The following PBX3 variants were observed in gnomAD, a reference collection of about 807,000 sequenced individuals.
PBX3 encodes pre-B-cell leukemia transcription factor 3.
Under a neutral mutation model 48.5 loss-of-function variants are expected in PBX3, and 14 were observed. That is an observed-to-expected ratio of 0.29 (90% CI 0.19 to 0.45). The LOEUF is 0.45. Ranked by LOEUF, PBX3 falls within the 20% of genes least tolerant of loss-of-function variation. The probability of loss-of-function intolerance (pLI) is 1.00; values close to 1 mark genes in which losing one functional copy is unlikely to be tolerated. For synonymous variants in PBX3, 210 were observed against 200.3 expected, an observed-to-expected ratio of 1.05 and a Z score of -0.41; for missense variants, 386 against 546.7, an observed-to-expected ratio of 0.71 and a Z score of 2.93.
At chr9:125,748,105 C>A in intron 1 of PBX3, 2 of 361,134 alleles carry the variant, frequency 5.5e-6, no homozygotes, top group Non-Finnish European at 7.7e-6. Flanking sequence ...CCTGGCGGGT[C>A]CGGGTGCGGA....
At chr9:125,864,288 AATT>A (rs1259176838) in intron 2 of PBX3, among the ~76,000 whole-genome samples, 2 of 152,084 alleles carry the variant, frequency 1.3e-5, no homozygotes, top group Non-Finnish European at 2.9e-5. Flanking sequence ...TTTGGGAGTC[AATT>A]ATTAGAGTGT....
intron 2 of PBX3, among the ~76,000 whole-genome samples, chr9:125,787,085 G>A (rs140987075): frequency 7.6e-4 from 116 of 151,844 alleles, no homozygotes; most frequent in African/African-American, 2.5e-3. Flanking sequence ...TGTCACCCAG[G>A]CTGGAGTGCA....
chr9:125,786,798 C>T (rs1283741988), intron 2 of PBX3, among the ~76,000 whole-genome samples: 3 of 151,524 alleles, frequency 2.0e-5, no homozygotes, highest in African/African-American at 7.3e-5. Context: ...AATCTCAGCT[C>T]ACTGCAACCT....
chr9:125,863,758 T>C (rs796902348), intron 2 of PBX3, among the ~76,000 whole-genome samples: 11 of 152,340 alleles, frequency 7.2e-5, no homozygotes, highest in African/African-American at 2.6e-4. Flanking sequence ...TCTTTTTTTC[T>C]ATCTCACACA....
intron 5 of PBX3, among the ~76,000 whole-genome samples, chr9:125,943,798 C>CTAGT (rs1484984969): frequency 3.3e-5 from 5 of 151,756 alleles, no homozygotes; most frequent in Middle Eastern, 3.4e-3. Flanking sequence ...AAGGATAATA[C>CTAGT]TAGTGATTGG....
intron 5 of PBX3, among the ~76,000 whole-genome samples, chr9:125,950,482 CTTTT>C (rs10623974): frequency 1.4e-5 from 2 of 143,314 alleles, no homozygotes; most frequent in African/African-American, 5.1e-5. Context: ...TTTGCAACTT[CTTTT>C]TTTTTTTTTT....
chr9:125,780,315 T>C (rs1251720762), intron 2 of PBX3, among the ~76,000 whole-genome samples: 189 of 102,930 alleles, frequency 1.8e-3, no homozygotes, highest in Middle Eastern at 8.9e-3. Flanking sequence ...TAGGGGCGGC[T>C]GGGCAGAGGC....
At chr9:125,751,541 A>G (rs1836375444) in intron 2 of PBX3, among the ~76,000 whole-genome samples, 2 of 152,234 alleles carry the variant, frequency 1.3e-5, no homozygotes, top group Non-Finnish European at 2.9e-5. Context: ...TACTTCTACT[A>G]TAAGATGCTG....
intron 2 of PBX3, among the ~76,000 whole-genome samples, chr9:125,840,820 G>C (rs7867848): frequency 0.07 from 10,640 of 151,932 alleles, 1,173 homozygotes; most frequent in African/African-American, 0.24. Flanking sequence ...TAACTGAATT[G>C]CTCAGAAAAG....
chr9:125,773,668 A>T (rs944203904), intron 2 of PBX3, among the ~76,000 whole-genome samples: 4 of 152,196 alleles, frequency 2.6e-5, no homozygotes, highest in African/African-American at 9.7e-5. Flanking sequence ...AGGTGACCCC[A>T]GGTGAGTGGT....
chr9:125,950,853 A>G (rs1309235536), intron 5 of PBX3, among the ~76,000 whole-genome samples: 1 of 152,190 alleles, frequency 6.6e-6, no homozygotes, highest in Non-Finnish European at 1.5e-5. Flanking sequence ...CATTTTAACC[A>G]TGAAGGAGCT....
intron 2 of PBX3, among the ~76,000 whole-genome samples, chr9:125,786,407 C>A (rs999548258): frequency 6.6e-6 from 1 of 152,034 alleles, no homozygotes; most frequent in Admixed American, 6.6e-5. Context: ...GAAAGGTGTT[C>A]TTATCATAAG....
chr9:125,930,574 C>T (rs920597913), intron 4 of PBX3, among the ~76,000 whole-genome samples: 6 of 152,180 alleles, frequency 3.9e-5, no homozygotes, highest in Admixed American at 6.5e-5. Context: ...TTTCTTTCTT[C>T]TCCCATGGAA....
At chr9:125,825,530 C>T (rs941088355) in intron 2 of PBX3, among the ~76,000 whole-genome samples, 1 of 150,298 alleles carries the variant, frequency 6.7e-6, no homozygotes, top group African/African-American at 2.5e-5. Flanking sequence ...GCTTCAACAG[C>T]TGTTTTCTCA....
intron 2 of PBX3, among the ~76,000 whole-genome samples, chr9:125,787,815 A>T (rs1269112753): frequency 6.6e-6 from 1 of 152,222 alleles, no homozygotes; most frequent in Non-Finnish European, 1.5e-5. Flanking sequence ...TTATCATAGG[A>T]TGAGACATTT....
At chr9:125,955,960 T>TA (rs892768419) in intron 5 of PBX3, among the ~76,000 whole-genome samples, 3 of 152,206 alleles carry the variant, frequency 2.0e-5, no homozygotes, top group African/African-American at 7.2e-5. Flanking sequence ...GTTGGTTATT[T>TA]AAAAAAGAAA....
intron 2 of PBX3, among the ~76,000 whole-genome samples, chr9:125,750,520 G>A (rs965808008): frequency 2.0e-5 from 3 of 152,154 alleles, no homozygotes; most frequent in African/African-American, 7.2e-5. Context: ...GGTGAGTTAC[G>A]AAAAAGAAAC....
intron 2 of PBX3, among the ~76,000 whole-genome samples, chr9:125,884,287 G>T (rs552786936): frequency 6.6e-6 from 1 of 152,274 alleles, no homozygotes; most frequent in Non-Finnish European, 1.5e-5. Flanking sequence ...AAGTTCAAGT[G>T]CCAAAATGTT....
chr9:125,755,196 A>G (rs560813790), intron 2 of PBX3, among the ~76,000 whole-genome samples: 5 of 152,136 alleles, frequency 3.3e-5, no homozygotes, highest in East Asian at 1.9e-4. Flanking sequence ...CATAAATTTT[A>G]AAATCCCATA....
Sources: allele counts gnomAD v4.1 joint callset (sites outside exome capture counted in the v4.1 genomes callset), GRCh38; gene constraint gnomAD v4.1.1; transcripts MANE v1.5; gene names NCBI Gene and HGNC (gene_info 2026-07-23, HGNC 2026-07-21).